Variants in ANKAR observed in about 807,000 individuals in gnomAD.
The protein encoded by ANKAR is ankyrin and armadillo repeat-containing protein.
ANKAR carries 136 observed loss-of-function variants against 146.2 expected under a neutral mutation model. That is an observed-to-expected ratio of 0.93 (90% CI 0.81 to 1.07). The LOEUF is 1.07. Among genes scored for constraint, ANKAR ranks in the 50% least tolerant of loss-of-function variants. The probability of loss-of-function intolerance (pLI) is 0.00; values close to 1 mark genes in which losing one functional copy is unlikely to be tolerated. For synonymous variants in ANKAR, 500 were observed against 575.8 expected, an observed-to-expected ratio of 0.87 and a Z score of 1.88; for missense variants, 1,567 against 1,679.9, an observed-to-expected ratio of 0.93 and a Z score of 1.18.
At chr2:189,708,235 G>C (rs1378734131) in intron 9 of ANKAR, among the ~76,000 whole-genome samples, 1 of 152,196 alleles carries the variant, frequency 6.6e-6, no homozygotes, top group Non-Finnish European at 1.5e-5. Flanking sequence ...TCTTTCTGTG[G>C]TTTTGGTTAC....
intron 17 of ANKAR, among the ~76,000 whole-genome samples, chr2:189,736,890 T>C (rs965759182): frequency 6.6e-6 from 1 of 151,668 alleles, no homozygotes; most frequent in Non-Finnish European, 1.5e-5. Flanking sequence ...CTGGGCAACA[T>C]AGCAAAACCC....
At chr2:189,701,653 G>T (rs1306908124) in intron 7 of ANKAR, among the ~76,000 whole-genome samples, 1 of 152,096 alleles carries the variant, frequency 6.6e-6, no homozygotes, top group Non-Finnish European at 1.5e-5. Flanking sequence ...TTTATCTGTA[G>T]CATGTCATTT....
rs756802115 is a variant in ANKAR at position 189,752,909 on chromosome 2, T to C, written c.*584+8121T>C. 5.2e-5 allele frequency: 84 copies of C among 1,613,550 alleles called. 2 individuals are homozygous for C. In the South Asian group the frequency reaches 8.6e-4, roughly 16 times the overall value. On this transcript the variant is annotated intron_variant and NMD_transcript_variant, in intron 18 of 18. Coordinates refer to the ANKAR transcript ENST00000441800. ...GGGAGGAGGACACAACAAAGTGCAC[T>C]GTGTTGCATTTGTTAAAATTTCCAG...
intron 5 of ANKAR, among the ~76,000 whole-genome samples, chr2:189,694,694 A>G (rs949931713): frequency 2.6e-5 from 4 of 152,348 alleles, no homozygotes; most frequent in Admixed American, 2.0e-4. Flanking sequence ...TAGATGACAT[A>G]GAACTTCAGC....
downstream of ANKAR, among the ~76,000 whole-genome samples, chr2:189,749,611 T>C (rs2044786512): frequency 6.6e-6 from 1 of 152,138 alleles, no homozygotes; most frequent in South Asian, 2.1e-4. Context: ...CTCAAATAAC[T>C]GATGTGAAAG....
rs2043819676 is a variant in ANKAR at position 189,744,854 on chromosome 2, A to G, written c.4057+66A>G. Reference sequence around the variant, plus strand: ...CAGACACTTTATAATTCTGTATTCCATCTCTAAAAATTCAAAATGTAGGCC... The same window carrying G: ...CAGACACTTTATAATTCTGTATTCCGTCTCTAAAAATTCAAAATGTAGGCC... On this transcript the variant is annotated intron_variant, in intron 22 of 22. Coordinates refer to ENST00000684021, the MANE Select transcript of ANKAR (RefSeq NM_001378068.1). The G allele has an allele frequency of 1.5e-6, 2 of 1,297,340 alleles. 1 individual carries two copies. The highest frequency in any genetic ancestry group is 2.5e-5 in the South Asian group (2 of 79,806). The allele number at this position is 1,297,340 out of a possible 1,614,324, so 80.4% of individuals were successfully genotyped here. A position where few individuals can be genotyped will look rare whatever the true frequency, so the allele number is the denominator to read the frequency against.
At chr2:189,705,254 A>G (rs2038762861) in intron 8 of ANKAR, 30 bp downstream of exon 8, 1 of 1,593,042 alleles carries the variant, frequency 6.3e-7, no homozygotes, top group Non-Finnish European at 8.6e-7. Flanking sequence ...TATCAGGTTG[A>G]GGTTGATGTC....
rs1245480643 is a variant in ANKAR, at chr2:189,728,939, T to C, written c.3193+118T>C. The C allele has an allele frequency of 6.2e-6, 6 of 963,296 alleles. No individual in the cohort carries two copies. In the Admixed American group the frequency reaches 1.4e-4, roughly 23 times the overall value. The allele number at this position is 963,296 out of a possible 1,614,324, so 59.7% of individuals were successfully genotyped here. A position where few individuals can be genotyped will look rare whatever the true frequency, so the allele number is the denominator to read the frequency against. ...CCCACTGTTTGAGCCCTAAATGGTA[T>C]TTAATGTATGAAAGACTATTATAAC... is the stretch of plus-strand genomic sequence containing the variant. On this transcript the variant is annotated intron_variant, in intron 15 of 22. Coordinates refer to ENST00000684021, the MANE Select transcript of ANKAR (RefSeq NM_001378068.1).
intron 3 of ANKAR, 92 bp downstream of exon 3, chr2:189,690,056 C>A: frequency 1.2e-6 from 1 of 856,386 alleles, no homozygotes; most frequent in Non-Finnish European, 1.6e-6. Context: ...TGGGTGCAGG[C>A]AGTAACCTAG....
chr2:189,737,073 C>CA lies in ANKAR; in HGVS notation c.3424-599dup, dbSNP rs367906093. On this transcript the variant is annotated intron_variant, in intron 17 of 22. Coordinates refer to ENST00000684021, the MANE Select transcript of ANKAR (RefSeq NM_001378068.1). ...TGGGTGACAGAGGGAGACTTTGTCT[C>CA]AAAAAAAAAAAGAAAAAGAAAAAAA... 3.5e-3 allele frequency among the ~76,000 whole-genome samples: 329 copies of CA among 94,592 alleles called. 1 individual carries two copies. Among genetic ancestry groups the CA allele is most frequent in the Non-Finnish European group, 4.9e-3 (220 of 45,040 alleles). The allele number at this position is 94,592 out of a possible 152,430, so 62.1% of individuals were successfully genotyped here.
Position 189,721,012 on chromosome 2 carries a change from G to C in ANKAR, c.2635+225G>C, listed in dbSNP as rs116221870. On this transcript the variant is annotated intron_variant, in intron 12 of 22. Coordinates refer to ENST00000684021, the MANE Select transcript of ANKAR (RefSeq NM_001378068.1). ...TTTATATTTTATTTTTCTCAAGACA[G>C]AGTCTCAGTCTGTCGCCCAGGCTGG... 6.2e-3 allele frequency among the ~76,000 whole-genome samples: 949 copies of C among 152,282 alleles called. 9 individuals are homozygous for C. The highest frequency in any genetic ancestry group is 0.022 in the African/African-American group (902 of 41,550).
At chr2:189,751,165 G>C (rs1200715545), downstream of ANKAR, among the ~76,000 whole-genome samples, 1 of 152,058 alleles carries the variant, frequency 6.6e-6, no homozygotes, top group African/African-American at 2.4e-5. Context: ...TTCCTCCTCA[G>C]TAACTAATTT....
chr2:189,699,221 A>G (rs997425978), intron 7 of ANKAR, among the ~76,000 whole-genome samples: 1 of 152,186 alleles, frequency 6.6e-6, no homozygotes, highest in African/African-American at 2.4e-5. Flanking sequence ...TCTACACAGA[A>G]AACCAAAGTT....
intron 10 of ANKAR, among the ~76,000 whole-genome samples, chr2:189,717,422 A>C (rs552391448): frequency 6.6e-6 from 1 of 152,360 alleles, no homozygotes; most frequent in African/African-American, 2.4e-5. Context: ...GAGATCATTA[A>C]AAAGTCAGGA....
At chr2:189,727,695 G>C in intron 12 of ANKAR, 161 bp from the exon 13 acceptor site, 1 of 758,318 alleles carries the variant, frequency 1.3e-6, no homozygotes, top group East Asian at 2.7e-5. Context: ...ATTGTGTTTA[G>C]GTGGTAAATC....
At chr2:189,679,881 A>G (rs2034376445) in intron 2 of ANKAR, among the ~76,000 whole-genome samples, 1 of 152,150 alleles carries the variant, frequency 6.6e-6, no homozygotes, top group Non-Finnish European at 1.5e-5. Context: ...TTTTGCATCC[A>G]TGTTCATCAT....
chr2:189,677,340 A>G (rs150400763), intron 2 of ANKAR, among the ~76,000 whole-genome samples: 1 of 152,198 alleles, frequency 6.6e-6, no homozygotes, highest in Non-Finnish European at 1.5e-5. Context: ...TTTTGGTTAC[A>G]TGGCTAAGTT....
intron 1 of ANKAR, among the ~76,000 whole-genome samples, chr2:189,675,793 G>T (rs990887660): frequency 6.6e-6 from 1 of 152,168 alleles, no homozygotes. Context: ...CTTGGTGCGA[G>T]GTGTTTGGAT....
chr2:189,719,872 T>C, intron 11 of ANKAR, 59 bp downstream of exon 11: 1 of 1,462,590 alleles, frequency 6.8e-7, no homozygotes, highest in Middle Eastern at 2.2e-4. Context: ...ATATAGAAGT[T>C]ACAAAAATAG....
Sources: gnomAD v4.1 joint callset for allele counts (sites outside exome capture counted in the v4.1 genomes callset) on GRCh38, gnomAD v4.1.1 for gene constraint, MANE v1.5 for transcripts, NCBI Gene and HGNC (gene_info 2026-07-23, HGNC 2026-07-21) for gene names.